The following PARD3B variants were observed in gnomAD, a reference collection of about 807,000 sequenced individuals.
The protein encoded by PARD3B is par-3 family cell polarity regulator beta, also known as partitioning defective 3 homolog B.
A neutral mutation model predicts 130.2 loss-of-function variants in PARD3B; 103 were observed. That is an observed-to-expected ratio of 0.79 (90% CI 0.67 to 0.93). The LOEUF (loss-of-function observed/expected upper bound fraction) is 0.93. Ranked by LOEUF, PARD3B falls within the 40% of genes least tolerant of loss-of-function variation. The pLI, the probability that PARD3B is intolerant of heterozygous loss-of-function variation, is 0.00. For synonymous variants in PARD3B, 583 were observed against 553.2 expected (o/e 1.05, Z -0.76); for missense variants, 1,609 against 1,499.2 (o/e 1.07, Z -1.21).
At chr2:204,846,593 G>A (rs1316407235) in intron 2 of PARD3B, among the ~76,000 whole-genome samples, 2 of 151,098 alleles carry the variant, frequency 1.3e-5, no homozygotes, top group Non-Finnish European at 2.9e-5. Flanking sequence ...TGTCTTATAA[G>A]AAGAGTTATA....
At chr2:205,040,119 A>G (rs978596905) in intron 3 of PARD3B, among the ~76,000 whole-genome samples, 2 of 151,942 alleles carry the variant, frequency 1.3e-5, no homozygotes, top group Non-Finnish European at 2.9e-5. Context: ...GCATGCCACC[A>G]TGCCCAGCTA....
intron 22 of PARD3B, among the ~76,000 whole-genome samples, chr2:205,610,933 TCTTTA>T (rs1441006661): frequency 1.1e-4 from 16 of 152,352 alleles, no homozygotes; most frequent in African/African-American, 3.4e-4. Flanking sequence ...GTGGGTTTTC[TCTTTA>T]CTTTAAACTC....
chr2:205,431,370 C>G (rs2047326405), intron 19 of PARD3B, among the ~76,000 whole-genome samples: 1 of 151,920 alleles, frequency 6.6e-6, no homozygotes, highest in African/African-American at 2.4e-5. Context: ...AGCCACCATG[C>G]CCAGCCCGAA....
intron 21 of PARD3B, among the ~76,000 whole-genome samples, chr2:205,528,060 A>G (rs1174914145): frequency 2.0e-5 from 3 of 152,164 alleles, no homozygotes; most frequent in Admixed American, 6.5e-5. Context: ...TCAGCAGCCA[A>G]TGGTCTATGT....
chr2:205,172,419 A>G (rs1215840541), intron 12 of PARD3B, 38 bp downstream of exon 12: 1 of 1,585,636 alleles, frequency 6.3e-7, no homozygotes, highest in East Asian at 2.3e-5. Context: ...CAGTTGCCCA[A>G]ATTGCCACCA....
At chr2:205,304,773 T>A (rs2042132147) in intron 18 of PARD3B, among the ~76,000 whole-genome samples, 1 of 151,106 alleles carries the variant, frequency 6.6e-6, no homozygotes, top group Admixed American at 6.6e-5. Context: ...CCCATTTCCA[T>A]AAAAAAAGGA....
intron 21 of PARD3B, among the ~76,000 whole-genome samples, chr2:205,501,482 C>T (rs567025140): frequency 6.6e-6 from 1 of 152,130 alleles, no homozygotes; most frequent in Non-Finnish European, 1.5e-5. Context: ...CAAACTTGAT[C>T]GAGATCGATT....
intron 2 of PARD3B, among the ~76,000 whole-genome samples, chr2:204,790,797 T>C (rs901867114): frequency 2.4e-4 from 37 of 152,166 alleles, no homozygotes; most frequent in Non-Finnish European, 4.9e-4. Context: ...CGCTTATTAT[T>C]TGAGTTTATA....
chr2:205,197,031 GGGT>G (rs1559532594), intron 15 of PARD3B, among the ~76,000 whole-genome samples: 2 of 46,880 alleles, frequency 4.3e-5, no homozygotes, highest in African/African-American at 1.2e-4. Context: ...TGTGGGGGGG[GGGT>G]GTGTGTGTGT....
chr2:204,571,002 T>C (rs1044412761), intron 1 of PARD3B, among the ~76,000 whole-genome samples: 20 of 151,970 alleles, frequency 1.3e-4, no homozygotes, highest in African/African-American at 4.6e-4. Flanking sequence ...TAAGCTGTTG[T>C]AACTGAGGTG....
chr2:204,916,031 T>G (rs943864927), intron 2 of PARD3B, among the ~76,000 whole-genome samples: 4 of 152,174 alleles, frequency 2.6e-5, no homozygotes, highest in African/African-American at 4.8e-5. Flanking sequence ...ATAGATGGCT[T>G]CAGTCAAGGG....
At chr2:205,103,606 C>T (rs16836942) in intron 4 of PARD3B, 135,409 of 611,034 alleles carry the variant, frequency 0.22, 15,498 homozygotes, top group East Asian at 0.39. Flanking sequence ...TTGATGAAAC[C>T]GGAGTCCACG....
intron 2 of PARD3B, among the ~76,000 whole-genome samples, chr2:204,866,413 C>G (rs1267777071): frequency 6.6e-6 from 1 of 152,060 alleles, no homozygotes; most frequent in Non-Finnish European, 1.5e-5. Flanking sequence ...GCTGTCTTCT[C>G]TCCCGTTTCT....
chr2:204,975,676 T>C (rs1692081312), intron 3 of PARD3B, among the ~76,000 whole-genome samples: 1 of 152,220 alleles, frequency 6.6e-6, no homozygotes, highest in Non-Finnish European at 1.5e-5. Context: ...AGGCTGTACC[T>C]CAGACTAATT....
At position 204,654,878 on chromosome 2, in the gene PARD3B, T is replaced by G. The variant is rs1430822002; in HGVS notation, c.121-31303T>G. Among the ~76,000 whole-genome samples the G allele has an allele frequency of 2.0e-5, 3 of 152,204 alleles. No homozygotes were observed. The East Asian group carries it at 5.8e-4, about 29-fold the overall frequency. On this transcript the variant is annotated intron_variant, in intron 1 of 22. Coordinates refer to ENST00000406610, the MANE Select transcript of PARD3B (RefSeq NM_001302769.2). ...TAAAGAAACTTTCTTAAACAGTAGATGTTTCATAGTCTCTGGTGGACCGAG... is the reference window on the plus strand; with the variant it reads ...TAAAGAAACTTTCTTAAACAGTAGAGGTTTCATAGTCTCTGGTGGACCGAG...
At chr2:204,913,831 C>G (rs1295414675) in intron 2 of PARD3B, among the ~76,000 whole-genome samples, 2 of 152,160 alleles carry the variant, frequency 1.3e-5, no homozygotes, top group Admixed American at 6.5e-5. Flanking sequence ...GTTGTTAAGA[C>G]AGAAATAATT....
At chr2:205,250,964 C>T (rs1490666799) in intron 16 of PARD3B, among the ~76,000 whole-genome samples, 7 of 152,046 alleles carry the variant, frequency 4.6e-5, no homozygotes, top group Admixed American at 4.6e-4. Context: ...AAAACTTGAC[C>T]TCTCAGCTGG....
intron 1 of PARD3B, among the ~76,000 whole-genome samples, chr2:204,642,474 A>G (rs538057978): frequency 5.6e-4 from 86 of 152,316 alleles, no homozygotes; most frequent in African/African-American, 1.9e-3. Context: ...TAATTCAGCA[A>G]GAAGATTACT....
intron 22 of PARD3B, among the ~76,000 whole-genome samples, chr2:205,598,275 A>G (rs1456213771): frequency 6.6e-6 from 1 of 152,158 alleles, no homozygotes; most frequent in African/African-American, 2.4e-5. Flanking sequence ...CGAAAGATGT[A>G]TCTTGCAAAT....
Sources: allele counts gnomAD v4.1 joint callset (sites outside exome capture counted in the v4.1 genomes callset), GRCh38; gene constraint gnomAD v4.1.1; transcripts MANE v1.5; gene names NCBI Gene and HGNC (gene_info 2026-07-23, HGNC 2026-07-21).